The following RYR3 variants were observed in gnomAD, a reference collection of about 807,000 sequenced individuals.
RYR3 encodes the protein ryanodine receptor 3.
RYR3 carries 207 observed loss-of-function variants against 584.3 expected under a neutral mutation model. The ratio of observed to expected loss-of-function variants is 0.35; its 90% CI spans 0.32 to 0.40. RYR3 has a LOEUF of 0.40. RYR3 is among the 10% of genes least tolerant of loss of function. RYR3 has a pLI of 1.00. For synonymous variants in RYR3, 2,416 were observed against 2,248.5 expected (o/e 1.07, Z -2.11); for missense variants, 5,616 against 6,089.2 (o/e 0.92, Z 2.59).
At chr15:33,746,201 C>T (rs778205374) in intron 53 of RYR3, 44 bp downstream of exon 53, 4 of 1,346,200 alleles carry the variant, frequency 3.0e-6, no homozygotes, top group Non-Finnish European at 3.1e-6. Context: ...CATGCTGTTT[C>T]CTTCCTTGAG....
rs560811350 is a variant in RYR3 at position 33,461,190 on chromosome 15, C to T, written c.52-12229C>T. Among the ~76,000 whole-genome samples the T allele has an allele frequency of 1.6e-4, 24 of 152,012 alleles. No homozygotes were observed. The South Asian group carries it at 2.9e-3, about 18-fold the overall frequency. On this transcript the variant is annotated intron_variant, in intron 1 of 103. Coordinates refer to ENST00000634891, the MANE Select transcript of RYR3 (RefSeq NM_001036.6). The stretch of plus-strand genomic sequence containing the variant: ...TGATCTCCTGACCTCGTGACCCGCC[C>T]GCCTCGGCCTCCCAAAGTGCTGGGA...
intron 1 of RYR3, among the ~76,000 whole-genome samples, chr15:33,424,056 G>A (rs567392748): frequency 3.4e-4 from 52 of 152,254 alleles, no homozygotes; most frequent in Admixed American, 1.0e-3. Flanking sequence ...GACTAGTACA[G>A]TGGCTTGCAA....
At chr15:33,504,594 A>G (rs765750571) in intron 3 of RYR3, among the ~76,000 whole-genome samples, 5 of 152,176 alleles carry the variant, frequency 3.3e-5, no homozygotes, top group Non-Finnish European at 2.9e-5. Context: ...CCAAAATGCA[A>G]ATACAATTAT....
intron 54 of RYR3, 54 bp downstream of exon 54, chr15:33,748,314 C>A: frequency 6.3e-7 from 1 of 1,597,852 alleles, no homozygotes; most frequent in Non-Finnish European, 8.6e-7. Context: ...CATGGAGAAT[C>A]TGGGAATGTT....
intron 2 of RYR3, among the ~76,000 whole-genome samples, chr15:33,494,273 A>G (rs1377082855): frequency 6.6e-6 from 1 of 152,224 alleles, no homozygotes; most frequent in Non-Finnish European, 1.5e-5. Flanking sequence ...TAAGCTTTCT[A>G]GAATGAGCTT....
At chr15:33,517,419 G>T (rs533727018) in intron 3 of RYR3, among the ~76,000 whole-genome samples, 1 of 152,284 alleles carries the variant, frequency 6.6e-6, no homozygotes, top group Middle Eastern at 3.4e-3. Context: ...TTGGAAACTC[G>T]CTGTAATGTA....
chr15:33,843,545 G>A lies in RYR3; in HGVS notation c.13267G>A (p.Ala4423Thr), dbSNP rs769318881. The change falls in exon 92 of 104, where the codon GCT becomes ACT. Residue 4423 changes from alanine to threonine, a missense_variant. Coordinates refer to ENST00000634891, the MANE Select transcript of RYR3 (RefSeq NM_001036.6). The stretch of plus-strand genomic sequence containing the variant: ...GTTCCTTGCTCTGTTTGTAGCCTTC[G>A]CTATCAACTTCATCCTGCTTTTTTA... ...LRFLALFVAF[A>T]INFILLFYKV... 1.8e-5 allele frequency: 29 copies of A among 1,599,358 alleles called. No homozygotes were observed. Among genetic ancestry groups the A allele is most frequent in the African/African-American group, 5.3e-5 (4 of 74,786 alleles).
rs1455665265 is a variant in RYR3 at position 33,311,009 on chromosome 15, C to T, written c.-37C>T. 10 of 1,544,056 alleles carry T rather than the reference C, an allele frequency of 6.5e-6. No individual in the cohort carries two copies. The highest frequency in any genetic ancestry group is 3.7e-5 in the Admixed American group (2 of 54,218). On this transcript the variant is annotated 5_prime_UTR_variant, in exon 1 of 104. Transcript: ENST00000634891. This position sits in a 1 kb window ranked among gnomAD's most constrained non-coding sequence, Gnocchi z 4.4. ...GAGCGGCTGCCGGGGGAAGCAGAGGCGCCGGAGGCTGGGGCACCGCCGACG... is the reference window on the plus strand; with the variant it reads ...GAGCGGCTGCCGGGGGAAGCAGAGGTGCCGGAGGCTGGGGCACCGCCGACG...
At chr15:33,602,670 G>A (rs1271643824) in intron 17 of RYR3, among the ~76,000 whole-genome samples, 1 of 146,940 alleles carries the variant, frequency 6.8e-6, no homozygotes, top group East Asian at 2.0e-4. Context: ...TAATGAAAAT[G>A]TTGTCCTCTT....
At chr15:33,525,319 CAG>C (rs1042265297) in intron 3 of RYR3, among the ~76,000 whole-genome samples, 16 of 152,186 alleles carry the variant, frequency 1.1e-4, no homozygotes, top group African/African-American at 3.9e-4. Flanking sequence ...ATCAGAGTAT[CAG>C]AGTGAATTAA....
Position 33,512,571 on chromosome 15 carries a change from A to G in RYR3, c.279+8833A>G, listed in dbSNP as rs187120362. Among the ~76,000 whole-genome samples the G allele has an allele frequency of 2.4e-3, 364 of 152,320 alleles. 3 individuals are homozygous for G. The highest frequency in any genetic ancestry group is 8.2e-3 in the African/African-American group (342 of 41,572). Reference sequence around the variant, plus strand: ...GTGAAGTCGGCACCTCATGTTTAAGATCAATATGCCTGTCTGATCCTGGCG... The same window carrying G: ...GTGAAGTCGGCACCTCATGTTTAAGGTCAATATGCCTGTCTGATCCTGGCG... On this transcript the variant is annotated intron_variant, in intron 3 of 103. Coordinates refer to ENST00000634891, the MANE Select transcript of RYR3 (RefSeq NM_001036.6).
intron 1 of RYR3, among the ~76,000 whole-genome samples, chr15:33,471,111 G>T (rs1002622188): frequency 1.3e-5 from 2 of 152,214 alleles, no homozygotes; most frequent in Admixed American, 6.5e-5. Flanking sequence ...AGCTCCAGAT[G>T]TCTGTCTATT....
chr15:33,794,335 T>TATA (rs1182416961), intron 67 of RYR3, among the ~76,000 whole-genome samples: 1 of 30,094 alleles, frequency 3.3e-5, no homozygotes, highest in Admixed American at 3.3e-4. Context: ...TTATATATGT[T>TATA]TATATATATA....
chr15:33,634,469 G>T, intron 24 of RYR3, 117 bp from the exon 25 acceptor site: 1 of 910,660 alleles, frequency 1.1e-6, no homozygotes, highest in Non-Finnish European at 1.7e-6. Context: ...TGAGGGAAGG[G>T]CTAATAGACC....
In RYR3 at chr15:33,647,364, C is replaced by CGGAAATGT. The variant is rs1555390895; in HGVS notation, c.3942-56_3942-55insATGTGGAA. The stretch of plus-strand genomic sequence containing the variant: ...ATTGAAGGTAGATCAAGTTGCCTGT[C>CGGAAATGT]GGAACTGTGGGATTCTCAATACAGC... On this transcript the variant is annotated intron_variant, in intron 29 of 103. Transcript: ENST00000634891. The CGGAAATGT allele has an allele frequency of 1.3e-5, 18 of 1,384,116 alleles. No homozygotes were observed. In the African/African-American group the frequency reaches 2.6e-4, roughly 20 times the overall value. 85.7% of individuals were successfully genotyped at this position (1,384,116 alleles called of 1,614,324 possible). A position where few individuals can be genotyped will look rare whatever the true frequency, so the allele number is the denominator to read the frequency against.
intron 2 of RYR3, among the ~76,000 whole-genome samples, chr15:33,499,164 T>C (rs2051718533): frequency 1.3e-5 from 2 of 151,652 alleles, no homozygotes; most frequent in African/African-American, 2.4e-5. Flanking sequence ...AACCTCCCCA[T>C]GCTTACTCCC....
rs146540630 is a variant in RYR3, at chr15:33,497,953, G to A, written c.172-5678G>A. Among the ~76,000 whole-genome samples the A allele has an allele frequency of 1.3e-3, 196 of 152,174 alleles. 2 individuals are homozygous for A. Among genetic ancestry groups the A allele is most frequent in the African/African-American group, 4.6e-3 (193 of 41,512 alleles). ...TTCTTTTAATTCCACATGTGAGTGA[G>A]AATATGCAGTATTTTTCTTTTTGTG... On this transcript the variant is annotated intron_variant, in intron 2 of 103. Transcript: ENST00000634891.
Position 33,539,098 on chromosome 15 carries a change from A to G in RYR3, c.434-252A>G, listed in dbSNP as rs1402056211. On this transcript the variant is annotated intron_variant, in intron 5 of 103. Coordinates refer to ENST00000634891, the MANE Select transcript of RYR3 (RefSeq NM_001036.6). ...GCATTAAAAATACTCAAAGGCCGCTATAGTTTCCGGCCTCCAATACTCCTT... is the reference window on the plus strand; with the variant it reads ...GCATTAAAAATACTCAAAGGCCGCTGTAGTTTCCGGCCTCCAATACTCCTT... 5 of 289,614 alleles carry G rather than the reference A, an allele frequency of 1.7e-5. No individual in the cohort carries two copies. In the East Asian group the frequency reaches 1.8e-4, roughly 10 times the overall value. The allele number at this position is 289,614 out of a possible 1,614,324, so 17.9% of individuals were successfully genotyped here.
chr15:33,851,329 C>G (rs1357806921), intron 94 of RYR3: 2 of 151,624 alleles, frequency 1.3e-5, no homozygotes, highest in African/African-American at 4.8e-5. Context: ...GTACTATATT[C>G]GAGTTTCTTC....
Sources: gnomAD v4.1 joint callset for allele counts (sites outside exome capture counted in the v4.1 genomes callset) on GRCh38, gnomAD v4.1.1 for gene constraint, Gnocchi (gnomAD v3.1) non-coding constraint, MANE v1.5 for transcripts, NCBI Gene and HGNC (gene_info 2026-07-23, HGNC 2026-07-21) for gene names.